DMGDH: variants seen among roughly 807,000 people sequenced by gnomAD.
The protein encoded by DMGDH is dimethylglycine dehydrogenase, also known as dimethylglycine dehydrogenase, mitochondrial.
A neutral mutation model predicts 95.2 loss-of-function variants in DMGDH; 76 were observed. The observed-to-expected ratio is 0.80, with a 90% confidence interval of 0.66 to 0.97. The LOEUF is 0.97. Ranked by LOEUF, DMGDH falls within the 50% of genes least tolerant of loss-of-function variation. The pLI is 0.00. For missense variants in DMGDH, 987 were observed against 1,055.0 expected, an observed-to-expected ratio of 0.94 and a Z score of 0.89; for synonymous variants, 345 against 377.6, an observed-to-expected ratio of 0.91 and a Z score of 1.00.
At chr5:79,021,772 C>CAG in intron 14 of DMGDH, 1 of 1,218,268 alleles carries the variant, frequency 8.2e-7, no homozygotes, top group Non-Finnish European at 1.1e-6. Context: ...TATATGTTAC[C>CAG]AGAGAGAGAA....
chr5:79,061,762 A>C (rs1755216876), intron 2 of DMGDH, among the ~76,000 whole-genome samples: 1 of 152,092 alleles, frequency 6.6e-6, no homozygotes, highest in Admixed American at 6.5e-5. Context: ...TTCTAAAAAA[A>C]TTAAGAAAAT....
At chr5:79,022,443 A>G (rs571412564) in intron 14 of DMGDH, among the ~76,000 whole-genome samples, 120 of 152,326 alleles carry the variant, frequency 7.9e-4, no homozygotes, top group Non-Finnish European at 1.5e-3. Flanking sequence ...ATTAGCAAGC[A>G]TCATTATGAG....
rs772538263 is a variant in DMGDH at position 79,028,476 on chromosome 5, C to T, written c.1989G>A (p.Lys663=). Residue 663 remains lysine (K), a synonymous_variant, in exon 12 of 16, where the codon AAG becomes AAA. Coordinates refer to ENST00000255189, the MANE Select transcript of DMGDH (RefSeq NM_013391.3). ...TAGCAGTGACAGGAATGTTGGAAAC[C>T]TTTAAGGACTTGGTTTGAAGAAACT... ...VFKFLQTKSL[K]VSNIPVTAIR... 6.2e-7 allele frequency: 1 copy of T among 1,614,016 alleles called. No individual in the cohort carries two copies. Among genetic ancestry groups the T allele is most frequent in the African/African-American group, 1.3e-5 (1 of 74,986 alleles).
Position 78,997,813 on chromosome 5 carries a change from A to T in DMGDH, c.*269T>A. 2.2e-6 allele frequency: 1 copy of T among 459,994 alleles called. No individual in the cohort carries two copies. Among genetic ancestry groups the T allele is most frequent in the East Asian group, 4.3e-5 (1 of 23,368 alleles). 28.5% of individuals were successfully genotyped at this position (459,994 alleles called of 1,614,324 possible). On this transcript the variant is annotated 3_prime_UTR_variant, in exon 16 of 16. Coordinates refer to ENST00000255189, the MANE Select transcript of DMGDH (RefSeq NM_013391.3). ...TGATTGTGTATATTAGCAAACACCT[A>T]AATGTTTTACTGATTGGGTAATGTG...
chr5:79,048,499 TG>T (rs1169277809), intron 5 of DMGDH, among the ~76,000 whole-genome samples: 2 of 152,192 alleles, frequency 1.3e-5, no homozygotes, highest in Admixed American at 1.3e-4. Flanking sequence ...CTGAGGGCCT[TG>T]CCTGAATTTG....
chr5:79,008,253 G>A (rs1169900374), intron 14 of DMGDH, among the ~76,000 whole-genome samples: 1 of 152,200 alleles, frequency 6.6e-6, no homozygotes, highest in Non-Finnish European at 1.5e-5. Context: ...GGATGGGAGA[G>A]CGGGGATCGG....
intron 4 of DMGDH, among the ~76,000 whole-genome samples, chr5:79,052,885 A>T (rs981992859): frequency 6.6e-6 from 1 of 152,138 alleles, no homozygotes; most frequent in African/African-American, 2.4e-5. Flanking sequence ...CAACCCTAGC[A>T]CCCAAGTCAA....
At chr5:79,013,821 A>G (rs776444617) in intron 14 of DMGDH, among the ~76,000 whole-genome samples, 1 of 152,046 alleles carries the variant, frequency 6.6e-6, no homozygotes, top group African/African-American at 2.4e-5. Context: ...AAACAACTAG[A>G]TCTCATGAGA....
chr5:79,067,314 G>A (rs576001316), intron 1 of DMGDH, among the ~76,000 whole-genome samples: 4 of 152,190 alleles, frequency 2.6e-5, no homozygotes, highest in East Asian at 3.8e-4. Flanking sequence ...TACTTTGGAC[G>A]GAAATCCATT....
chr5:79,058,146 C>T (rs958879230), intron 2 of DMGDH, among the ~76,000 whole-genome samples: 1 of 152,212 alleles, frequency 6.6e-6, no homozygotes, highest in African/African-American at 2.4e-5. Context: ...AAACAATTTA[C>T]ACTACCCTCT....
intron 3 of DMGDH, among the ~76,000 whole-genome samples, chr5:79,055,488 C>T (rs78583201): frequency 0.072 from 10,912 of 152,234 alleles, 858 homozygotes; most frequent in African/African-American, 0.18. Context: ...TCGTCAGATC[C>T]TTTGCAATGC....
intron 5 of DMGDH, among the ~76,000 whole-genome samples, chr5:79,046,000 A>G (rs1407020142): frequency 1.3e-5 from 2 of 152,196 alleles, no homozygotes; most frequent in African/African-American, 4.8e-5. Flanking sequence ...GAATCCAGAA[A>G]CGGGTACCCA....
At chr5:79,034,244 T>A (rs1754276524) in intron 7 of DMGDH, among the ~76,000 whole-genome samples, 1 of 152,154 alleles carries the variant, frequency 6.6e-6, no homozygotes, top group South Asian at 2.1e-4. Context: ...GCCATTATCT[T>A]AGAAACATTC....
chr5:79,067,788 T>C (rs1755420382), intron 1 of DMGDH, among the ~76,000 whole-genome samples: 3 of 152,340 alleles, frequency 2.0e-5, no homozygotes, highest in South Asian at 4.1e-4. Context: ...CCCAGGTCAG[T>C]TATCTTCTGT....
At chr5:79,002,604 G>A (rs769452657) in intron 15 of DMGDH, among the ~76,000 whole-genome samples, 32 of 152,058 alleles carry the variant, frequency 2.1e-4, no homozygotes, top group South Asian at 6.2e-4. Context: ...CTAGAATATC[G>A]CTGGCATATG....
At chr5:79,045,148 T>G (rs925375011) in intron 5 of DMGDH, among the ~76,000 whole-genome samples, 2 of 152,206 alleles carry the variant, frequency 1.3e-5, no homozygotes, top group African/African-American at 4.8e-5. Flanking sequence ...ACATTAAGTT[T>G]TATCTGTTGT....
intron 6 of DMGDH, among the ~76,000 whole-genome samples, chr5:79,043,405 G>A (rs975338907): frequency 2.6e-5 from 4 of 152,140 alleles, no homozygotes; most frequent in African/African-American, 9.7e-5. Flanking sequence ...TTCTGCTCAG[G>A]CCCAAATGTG....
intron 5 of DMGDH, among the ~76,000 whole-genome samples, chr5:79,050,248 CAAAAAAAAAA>C (rs57662602): frequency 2.0e-4 from 16 of 78,632 alleles, no homozygotes; most frequent in African/African-American, 6.3e-4. Flanking sequence ...AACTTTGTCT[CAAAAAAAAAA>C]AAAAAAAAAA....
chr5:79,045,690 T>C (rs2112650363), intron 5 of DMGDH, among the ~76,000 whole-genome samples: 2 of 152,334 alleles, frequency 1.3e-5, no homozygotes, highest in Middle Eastern at 6.8e-3. Context: ...GTTTGTTTCA[T>C]AATAATTTTG....
Sources: allele counts gnomAD v4.1 joint callset (sites outside exome capture counted in the v4.1 genomes callset), GRCh38; gene constraint gnomAD v4.1.1; transcripts MANE v1.5; gene names NCBI Gene and HGNC (gene_info 2026-07-23, HGNC 2026-07-21).